Variants in FSTL4 observed in about 807,000 individuals in gnomAD.
The protein encoded by FSTL4 is follistatin-related protein 4.
In FSTL4, 28 loss-of-function variants were observed where a neutral mutation model predicts 78.2. The observed-to-expected ratio is 0.36, with a 90% CI of 0.27 to 0.49. FSTL4 has a LOEUF of 0.49. Among genes scored for constraint, FSTL4 ranks in the 20% least tolerant of loss-of-function variants. The pLI is 0.98. For missense variants in FSTL4, 922 were observed against 1,084.9 expected (o/e 0.85, Z 2.11); for synonymous variants, 422 against 440.5 (o/e 0.96, Z 0.53).
intron 7 of FSTL4, among the ~76,000 whole-genome samples, chr5:133,235,306 C>T (rs1751623267): frequency 6.6e-6 from 1 of 151,940 alleles, no homozygotes; most frequent in Non-Finnish European, 1.5e-5. Flanking sequence ...ATGGTGAAAC[C>T]CTGTCTCTAC....
chr5:133,657,766 GTTTTTTTTGTTTT>G, the FSTL4 span, among the ~76,000 whole-genome samples: 1 of 85,944 alleles, frequency 1.2e-5, no homozygotes, highest in African/African-American at 5.1e-5. Context: ...ACTGTTTTTT[GTTTTTTTTGTTTT>G]TTTTTTTTTT....
chr5:133,303,823 G>C (rs1753601876), intron 6 of FSTL4, among the ~76,000 whole-genome samples: 1 of 152,196 alleles, frequency 6.6e-6, no homozygotes, highest in Non-Finnish European at 1.5e-5. Flanking sequence ...AGCATGCCAA[G>C]GTGGGTCTTC....
intron 2 of FSTL4, among the ~76,000 whole-genome samples, chr5:133,570,617 C>T (rs1760135169): frequency 6.6e-6 from 1 of 152,142 alleles, no homozygotes; most frequent in South Asian, 2.1e-4. Context: ...TAGTTAATTC[C>T]TAGGGACATT....
At chr5:133,498,170 C>T (rs193145086) in intron 3 of FSTL4, among the ~76,000 whole-genome samples, 32 of 152,258 alleles carry the variant, frequency 2.1e-4, no homozygotes, top group Admixed American at 6.5e-4. Context: ...GGTGCCTCAC[C>T]GCACGGTGAC....
At chr5:133,626,887 T>G in the FSTL4 span, among the ~76,000 whole-genome samples, 1 of 152,164 alleles carries the variant, frequency 6.6e-6, no homozygotes, top group Non-Finnish European at 1.5e-5. Context: ...TCTGCAACTA[T>G]TGATTGGATC....
At chr5:133,784,952 G>A in the FSTL4 span, among the ~76,000 whole-genome samples, 1 of 152,142 alleles carries the variant, frequency 6.6e-6, no homozygotes, top group Non-Finnish European at 1.5e-5. Flanking sequence ...ACTGAGTTAT[G>A]GGATTAAATG....
chr5:133,764,616 T>A, the FSTL4 span, among the ~76,000 whole-genome samples: 1 of 152,126 alleles, frequency 6.6e-6, no homozygotes, highest in Non-Finnish European at 1.5e-5. Context: ...GGCTGGTGGA[T>A]CCCTGAAGCC....
the FSTL4 span, among the ~76,000 whole-genome samples, chr5:133,733,245 G>T: frequency 1.3e-5 from 2 of 152,128 alleles, no homozygotes; most frequent in Non-Finnish European, 2.9e-5. Flanking sequence ...TCTCATGGTG[G>T]GTAATCTAGT....
chr5:133,670,118 G>A, the FSTL4 span, among the ~76,000 whole-genome samples: 11 of 152,288 alleles, frequency 7.2e-5, no homozygotes, highest in Admixed American at 1.3e-4. Context: ...CGTCAACATA[G>A]CAGTAAATCA....
intron 6 of FSTL4, among the ~76,000 whole-genome samples, chr5:133,284,656 C>T (rs1241296851): frequency 2.0e-5 from 3 of 152,190 alleles, no homozygotes; most frequent in African/African-American, 7.2e-5. Flanking sequence ...TTCTTAAGTC[C>T]TTGGGCAACC....
intron 3 of FSTL4, among the ~76,000 whole-genome samples, chr5:133,537,192 T>C (rs1231132706): frequency 6.6e-6 from 1 of 152,224 alleles, no homozygotes; most frequent in Non-Finnish European, 1.5e-5. Context: ...CTCATTCATA[T>C]ACTTTCTATA....
the FSTL4 span, among the ~76,000 whole-genome samples, chr5:133,722,552 C>T: frequency 5.9e-5 from 9 of 152,132 alleles, no homozygotes; most frequent in African/African-American, 2.2e-4. Flanking sequence ...ACTGAGTCTC[C>T]TTAAGATCAT....
rs116068843 is a variant in FSTL4, at chr5:133,347,776, A to G, written c.410-31124T>C. ...AACAAAAACAAACAAAACCTCCCTTACTATTCATTAATGGCCCACTCTGAG... is the reference window on the plus strand; with the variant it reads ...AACAAAAACAAACAAAACCTCCCTTGCTATTCATTAATGGCCCACTCTGAG... On this transcript the variant is annotated intron_variant, in intron 4 of 15. Coordinates refer to ENST00000265342, the MANE Select transcript of FSTL4 (RefSeq NM_015082.2). Among the ~76,000 whole-genome samples, 1,423 of 152,296 alleles carry G rather than the reference A, an allele frequency of 9.3e-3. 16 individuals carry two copies. The highest frequency in any genetic ancestry group is 0.033 in the South Asian group (159 of 4,830).
chr5:133,526,959 G>T (rs112420707), intron 3 of FSTL4, among the ~76,000 whole-genome samples: 1 of 152,066 alleles, frequency 6.6e-6, no homozygotes, highest in African/African-American at 2.4e-5. Flanking sequence ...CCAACAGAGC[G>T]GCAACTGGCA....
chr5:133,295,598 G>A (rs955570321), intron 6 of FSTL4, among the ~76,000 whole-genome samples: 2 of 152,242 alleles, frequency 1.3e-5, no homozygotes, highest in East Asian at 3.9e-4. Flanking sequence ...AATCCAATGA[G>A]ACTTTTGTAC....
chr5:133,517,479 C>CCACACACA (rs70974086), intron 3 of FSTL4, among the ~76,000 whole-genome samples: 4,260 of 55,486 alleles, frequency 0.077, 275 homozygotes, highest in Middle Eastern at 0.12. Flanking sequence ...CACACACACA[C>CCACACACA]CACACACACA....
chr5:133,333,473 T>C (rs1482772112), intron 4 of FSTL4, among the ~76,000 whole-genome samples: 1 of 152,210 alleles, frequency 6.6e-6, no homozygotes, highest in African/African-American at 2.4e-5. Flanking sequence ...AAGGACCACG[T>C]TGAAACCCTG....
chr5:133,445,479 C>T (rs891873492), intron 3 of FSTL4, among the ~76,000 whole-genome samples: 3 of 152,222 alleles, frequency 2.0e-5, no homozygotes, highest in African/African-American at 4.8e-5. Flanking sequence ...GCCACCCCAT[C>T]GGCCCTGCCT....
At chr5:133,515,855 G>C (rs1311038031) in intron 3 of FSTL4, among the ~76,000 whole-genome samples, 1 of 151,680 alleles carries the variant, frequency 6.6e-6, no homozygotes, top group Non-Finnish European at 1.5e-5. Context: ...ACTTAGGAGG[G>C]CAAACAATAT....
Sources: allele counts gnomAD v4.1 joint callset (sites outside exome capture counted in the v4.1 genomes callset), GRCh38; gene constraint gnomAD v4.1.1; transcripts MANE v1.5; gene names NCBI Gene and HGNC (gene_info 2026-07-23, HGNC 2026-07-21).